Variants in SMIM14 observed in about 807,000 individuals in gnomAD.
SMIM14 encodes small integral membrane protein 14.
Under a neutral mutation model 12.6 loss-of-function variants are expected in SMIM14, and 5 were observed. The ratio of observed to expected loss-of-function variants is 0.40; its 90% CI spans 0.21 to 0.83. SMIM14 has a LOEUF of 0.83. SMIM14 is among the 40% of genes least tolerant of loss of function. The pLI, the probability that SMIM14 is intolerant of heterozygous loss-of-function variation, is 0.37. For missense variants in SMIM14, 86 were observed against 119.1 expected (o/e 0.72, Z 1.29); for synonymous variants, 30 against 40.1 (o/e 0.75, Z 0.95).
At chr4:39,625,217 C>CAAAAAAAAAAAAAAAAAAA (rs555489081) in intron 1 of SMIM14, among the ~76,000 whole-genome samples, 2 of 56,282 alleles carry the variant, frequency 3.6e-5, no homozygotes. Flanking sequence ...GACATCATCT[C>CAAAAAAAAAAAAAAAAAAA]AAAAAAAAAA....
At chr4:39,602,316 C>A (rs62307813) in intron 2 of SMIM14, among the ~76,000 whole-genome samples, 1 of 151,420 alleles carries the variant, frequency 6.6e-6, no homozygotes, top group South Asian at 2.1e-4. Flanking sequence ...GAATATTGGC[C>A]GGGCGCAGTG....
Position 39,605,141 on chromosome 4 carries a change from G to T in SMIM14, c.5C>A (p.Ala2Glu). 1 of 1,603,922 alleles carries T rather than the reference G, an allele frequency of 6.2e-7. No individual in the cohort carries two copies. The highest frequency in any genetic ancestry group is 8.5e-7 in the Non-Finnish European group (1 of 1,178,182). Residue 2 changes from alanine (A) to glutamate (E), a missense_variant, in exon 2 of 5, where the codon GCA becomes GAA. Ala to Glu is a moderately radical substitution (Grantham distance 107, BLOSUM62 -1). Transcript: ENST00000295958. ...TTCACAGGGATCAAATCCACCTTCT[G>T]CCATGATTACCCAGCTTGATTTTAC... M[A>E]EGGFDPCECV...
At chr4:39,580,394 G>A (rs991863322) in intron 2 of SMIM14, among the ~76,000 whole-genome samples, 2 of 152,034 alleles carry the variant, frequency 1.3e-5, no homozygotes, top group South Asian at 2.1e-4. Context: ...TGTCCAGGCT[G>A]TTCTCCAACT....
chr4:39,565,688 T>C (rs1712536022), intron 3 of SMIM14, among the ~76,000 whole-genome samples: 1 of 152,174 alleles, frequency 6.6e-6, no homozygotes, highest in Non-Finnish European at 1.5e-5. Context: ...CCACTCCATC[T>C]GTTGTGTTTT....
Position 39,586,929 on chromosome 4 carries a change from T to A in SMIM14, c.76-14466A>T, listed in dbSNP as rs551856699. 1.6e-3 allele frequency among the ~76,000 whole-genome samples: 236 copies of A among 152,102 alleles called. 1 individual carries two copies. The Middle Eastern group carries it at 0.024, about 15-fold the overall frequency. On this transcript the variant is annotated intron_variant, in intron 2 of 4. Coordinates refer to ENST00000295958, the MANE Select transcript of SMIM14 (RefSeq NM_174921.3). ...TACTGGCTTGTAGATAGAGGTCTTC[T>A]TCCTCCATCCTCACATGGTAGAGAA...
intron 1 of SMIM14, among the ~76,000 whole-genome samples, chr4:39,618,848 AG>A (rs1464503868): frequency 6.6e-6 from 1 of 152,068 alleles, no homozygotes; most frequent in Non-Finnish European, 1.5e-5. Flanking sequence ...TGGACCTTGC[AG>A]GGGTGTCAAG....
chr4:39,609,011 C>CTGTCACCCTGGCTGGAGTGCAG (rs1714918001), intron 1 of SMIM14, among the ~76,000 whole-genome samples: 2 of 152,128 alleles, frequency 1.3e-5, no homozygotes, highest in Non-Finnish European at 2.9e-5. Context: ...GAGTCTTGCT[C>CTGTCACCCTGGCTGGAGTGCAG]TGTCACCCTG....
At chr4:39,610,229 C>T (rs1714974583) in intron 1 of SMIM14, among the ~76,000 whole-genome samples, 1 of 152,130 alleles carries the variant, frequency 6.6e-6, no homozygotes, top group Non-Finnish European at 1.5e-5. Flanking sequence ...TCAAGTGATC[C>T]TCCCTCCTCA....
chr4:39,610,446 T>C (rs553139875), intron 1 of SMIM14, among the ~76,000 whole-genome samples: 23 of 148,192 alleles, frequency 1.6e-4, no homozygotes, highest in African/African-American at 5.1e-4. Flanking sequence ...GGCAGGGTGA[T>C]TGTCTTTTTT....
At chr4:39,626,741 A>G (rs942040011) in intron 1 of SMIM14, among the ~76,000 whole-genome samples, 10 of 152,170 alleles carry the variant, frequency 6.6e-5, no homozygotes, top group Non-Finnish European at 8.8e-5. Flanking sequence ...AACTCAAGGA[A>G]AGGAGAACGC....
chr4:39,613,028 T>G (rs1388662203), intron 1 of SMIM14, among the ~76,000 whole-genome samples: 2 of 152,212 alleles, frequency 1.3e-5, no homozygotes, highest in South Asian at 4.1e-4. Flanking sequence ...TTTTTATCAA[T>G]GTATTATCCA....
intron 2 of SMIM14, among the ~76,000 whole-genome samples, chr4:39,582,302 C>A (rs922791217): frequency 5.9e-5 from 9 of 152,174 alleles, no homozygotes; most frequent in Non-Finnish European, 1.3e-4. Flanking sequence ...TTGTATTTAA[C>A]TGGATCTTTC....
At chr4:39,624,857 G>A (rs1715632180) in intron 1 of SMIM14, among the ~76,000 whole-genome samples, 1 of 148,282 alleles carries the variant, frequency 6.7e-6, no homozygotes, top group Non-Finnish European at 1.5e-5. Context: ...TCTTAGTAAC[G>A]AAATACTTTT....
intron 2 of SMIM14, among the ~76,000 whole-genome samples, chr4:39,578,848 T>C (rs944834587): frequency 6.6e-6 from 1 of 151,584 alleles, no homozygotes; most frequent in Admixed American, 6.6e-5. Flanking sequence ...ATACAACAAT[T>C]AGCCAGGCGT....
intron 4 of SMIM14, among the ~76,000 whole-genome samples, chr4:39,554,898 C>T (rs1325780568): frequency 4.8e-5 from 7 of 145,980 alleles, no homozygotes; most frequent in Admixed American, 2.1e-4. Context: ...TGCAATGGCA[C>T]GATCTTGGCT....
At chr4:39,623,174 G>C (rs1275351427) in intron 1 of SMIM14, among the ~76,000 whole-genome samples, 2 of 152,082 alleles carry the variant, frequency 1.3e-5, no homozygotes, top group Non-Finnish European at 2.9e-5. Context: ...TACAATACCT[G>C]GGGTCTAGTT....
intron 2 of SMIM14, among the ~76,000 whole-genome samples, chr4:39,584,517 T>C (rs1303401435): frequency 1.3e-5 from 1 of 75,714 alleles, no homozygotes; most frequent in Non-Finnish European, 3.5e-5. Flanking sequence ...ACAAACAGGC[T>C]GGGCGCAGTG....
chr4:39,629,196 A>G (rs1300712309), intron 1 of SMIM14, among the ~76,000 whole-genome samples: 1 of 151,538 alleles, frequency 6.6e-6, no homozygotes, highest in Non-Finnish European at 1.5e-5. Flanking sequence ...ACCCATATCT[A>G]CTAAAAATAC....
intron 1 of SMIM14, among the ~76,000 whole-genome samples, chr4:39,610,706 A>G (rs1421506033): frequency 6.6e-6 from 1 of 151,978 alleles, no homozygotes; most frequent in African/African-American, 2.4e-5. Flanking sequence ...TAAAAAAAAA[A>G]AAAAAACTGA....
Sources: allele counts gnomAD v4.1 joint callset (sites outside exome capture counted in the v4.1 genomes callset), GRCh38; gene constraint gnomAD v4.1.1; transcripts MANE v1.5; gene names NCBI Gene and HGNC (gene_info 2026-07-23, HGNC 2026-07-21).